SYNE1: variants seen among roughly 807,000 people sequenced by gnomAD.
SYNE1 encodes spectrin repeat containing nuclear envelope protein 1, also known as nesprin-1.
A neutral mutation model predicts 1,111.0 loss-of-function variants in SYNE1; 616 were observed. That is an observed-to-expected ratio of 0.55 (90% CI 0.52 to 0.59). The LOEUF is 0.59. SYNE1 is among the 20% of genes least tolerant of loss of function. The probability of loss-of-function intolerance (pLI) is 0.00; values close to 1 mark genes in which losing one functional copy is unlikely to be tolerated. For missense variants in SYNE1, 10,006 were observed against 10,417.0 expected (o/e 0.96, Z 1.72); for synonymous variants, 3,855 against 3,825.8 (o/e 1.01, Z -0.28).
intron 3 of SYNE1, among the ~76,000 whole-genome samples, chr6:152,566,692 G>A (rs1024476516): frequency 6.6e-6 from 1 of 152,060 alleles, no homozygotes; most frequent in African/African-American, 2.4e-5. Flanking sequence ...TTTTCAGCAA[G>A]GTGTCTTTAT....
At chr6:152,546,950 T>C (rs2099316561) in intron 3 of SYNE1, 1 of 151,832 alleles carries the variant, frequency 6.6e-6, no homozygotes, top group African/African-American at 2.4e-5. Flanking sequence ...TGAGTAAAAA[T>C]ACAGCTAAAA....
intron 9 of SYNE1, among the ~76,000 whole-genome samples, chr6:152,503,270 G>A (rs912514856): frequency 6.6e-6 from 1 of 152,070 alleles, no homozygotes; most frequent in Non-Finnish European, 1.5e-5. Flanking sequence ...AAAGGCAGAT[G>A]CCTTATATTC....
chr6:152,146,959 C>T (rs1449476134), intron 137 of SYNE1: 1 of 152,394 alleles, frequency 6.6e-6, no homozygotes, highest in East Asian at 1.9e-4. Context: ...TACGACTGGA[C>T]TTTTGCATTT....
chr6:152,629,398 G>C (rs1372707456), intron 2 of SYNE1, among the ~76,000 whole-genome samples: 1 of 151,402 alleles, frequency 6.6e-6, no homozygotes, highest in African/African-American at 2.4e-5. Context: ...TAGAGACGGG[G>C]TTTCACCATG....
chr6:152,628,453 A>G lies in SYNE1; in HGVS notation c.-122T>C, dbSNP rs2099690603. ...ATCTATTCTGTCATAAATGAATTCC[A>G]GGCCTTTGCAGCACTCAACAAGGAG... On this transcript the variant is annotated 5_prime_UTR_variant, in exon 3 of 146. Coordinates refer to ENST00000367255, the MANE Select transcript of SYNE1 (RefSeq NM_182961.4). 3 of 965,790 alleles carry G rather than the reference A, an allele frequency of 3.1e-6. No homozygotes were observed. In the East Asian group the frequency reaches 7.4e-5, roughly 24 times the overall value. The allele number at this position is 965,790 out of a possible 1,614,324, so 59.8% of individuals were successfully genotyped here. A position where few individuals can be genotyped will look rare whatever the true frequency, so the allele number is the denominator to read the frequency against.
chr6:152,387,027 T>C (rs2097536103), intron 54 of SYNE1, 45 bp downstream of exon 54: 1 of 1,482,162 alleles, frequency 6.7e-7, no homozygotes, highest in African/African-American at 1.4e-5. Context: ...CAATATATTG[T>C]ATTAATGTAT....
intron 98 of SYNE1, among the ~76,000 whole-genome samples, chr6:152,276,137 C>T (rs1240673064): frequency 6.7e-6 from 1 of 149,028 alleles, no homozygotes; most frequent in Non-Finnish European, 1.5e-5. Flanking sequence ...CAGGTTCAAG[C>T]AGTTCTCATG....
At chr6:152,219,563 CT>C (rs1310523175) in intron 119 of SYNE1, among the ~76,000 whole-genome samples, 1 of 149,826 alleles carries the variant, frequency 6.7e-6, no homozygotes, top group Non-Finnish European at 1.5e-5. Context: ...AGTTTTTTTC[CT>C]GCCTCTTTAT....
At chr6:152,466,180 T>A (rs1275086778) in intron 16 of SYNE1, 102 bp from the exon 17 acceptor site, 1 of 712,520 alleles carries the variant, frequency 1.4e-6, no homozygotes, top group Non-Finnish European at 2.5e-6. Context: ...TTACCCAAAT[T>A]TGTTAATCTC....
rs1035249484 is a variant in SYNE1 at position 152,325,258 on chromosome 6, G to C, written c.15483C>G (p.Ala5161=). The change falls in exon 81 of 146, where the codon GCC becomes GCG. Residue 5161 remains alanine, a synonymous_variant. Transcript: ENST00000367255. Reference sequence around the variant, plus strand: ...CCAGTTGTGAAGCTTTTTCCTCAAGGGCCACAATTTTCTCATGGAAAGAGT... The same window carrying C: ...CCAGTTGTGAAGCTTTTTCCTCAAGCGCCACAATTTTCTCATGGAAAGAGT... ...VVNSFHEKIV[A]LEEKASQLEK... 1 of 1,614,122 alleles carries C rather than the reference G, an allele frequency of 6.2e-7. No individual in the cohort carries two copies. The highest frequency in any genetic ancestry group is 1.7e-5 in the Admixed American group (1 of 60,006).
In SYNE1 at chr6:152,122,374, G is replaced by C; in HGVS notation, c.*62C>G. 1.2e-6 allele frequency: 2 copies of C among 1,612,670 alleles called. No homozygotes were observed. Among genetic ancestry groups the C allele is most frequent in the Admixed American group, 1.7e-5 (1 of 60,030 alleles). On this transcript the variant is annotated 3_prime_UTR_variant, in exon 146 of 146. Coordinates refer to ENST00000367255, the MANE Select transcript of SYNE1 (RefSeq NM_182961.4). ...CAAGGTCCTCTTGTTGGTAGTTTGG[G>C]ATTGCTTATGACCCGATCCTCCTTA... is the stretch of plus-strand genomic sequence containing the variant.
chr6:152,348,530 CA>C (rs1486299302), intron 72 of SYNE1, among the ~76,000 whole-genome samples: 1 of 151,920 alleles, frequency 6.6e-6, no homozygotes, highest in East Asian at 1.9e-4. Flanking sequence ...ACTAAAAATA[CA>C]AAAGTTAGTC....
At position 152,260,914 on chromosome 6, in the gene SYNE1, T is replaced by C. The variant is rs114410980; in HGVS notation, c.18972+1118A>G. 3.3e-5 allele frequency among the ~76,000 whole-genome samples: 5 copies of C among 152,166 alleles called. No individual in the cohort carries two copies. In the East Asian group the frequency reaches 9.7e-4, roughly 29 times the overall value. On this transcript the variant is annotated intron_variant, in intron 101 of 145. Coordinates refer to ENST00000367255, the MANE Select transcript of SYNE1 (RefSeq NM_182961.4). ...CCTGCCTGCCGCTCACCTCTTGCTG[T>C]GAGGTCCAGTTCCTAACAGGCCACG...
At position 152,180,052 on chromosome 6, in the gene SYNE1, T is replaced by G. The variant is rs1352234073; in HGVS notation, c.23460+84A>C. On this transcript the variant is annotated intron_variant, in intron 129 of 145. Coordinates refer to ENST00000367255, the MANE Select transcript of SYNE1 (RefSeq NM_182961.4). ...TGCTCCTTTGACAGGAAAGTAATTG[T>G]GAGTAAAGCCACCTTCTGTACCTGT... 7.0e-6 allele frequency: 10 copies of G among 1,430,376 alleles called. No individual in the cohort carries two copies. In the African/African-American group the frequency reaches 9.9e-5, roughly 14 times the overall value. 88.6% of individuals were successfully genotyped at this position (1,430,376 alleles called of 1,614,324 possible). A position where few individuals can be genotyped will look rare whatever the true frequency, so the allele number is the denominator to read the frequency against.
At chr6:152,533,822 A>C (rs1430263097) in intron 4 of SYNE1, among the ~76,000 whole-genome samples, 2 of 152,124 alleles carry the variant, frequency 1.3e-5, no homozygotes, top group African/African-American at 2.4e-5. Flanking sequence ...TAGCTTATTA[A>C]ACAGCATTTT....
At chr6:152,483,730 T>C (rs1028274482) in intron 13 of SYNE1, among the ~76,000 whole-genome samples, 3 of 152,064 alleles carry the variant, frequency 2.0e-5, no homozygotes, top group African/African-American at 7.2e-5. Context: ...TGGACAAAGA[T>C]GGGTTTAAAG....
intron 74 of SYNE1, 136 bp from the exon 75 acceptor site, chr6:152,339,502 T>C (rs2096485210): frequency 7.8e-7 from 1 of 1,281,456 alleles, no homozygotes; most frequent in African/African-American, 1.5e-5. Flanking sequence ...TGTGTTCAAG[T>C]GACATATATT....
chr6:152,172,723 G>C (rs1436490905), intron 130 of SYNE1, among the ~76,000 whole-genome samples: 1 of 152,186 alleles, frequency 6.6e-6, no homozygotes, highest in Non-Finnish European at 1.5e-5. Flanking sequence ...AGAAATTAGA[G>C]TGATGCGTCA....
intron 137 of SYNE1, chr6:152,145,482 C>T (rs2059316381): frequency 2.5e-6 from 4 of 1,613,694 alleles, no homozygotes; most frequent in Non-Finnish European, 3.4e-6. Flanking sequence ...GCTTGTTGTG[C>T]CTACCGGAGG....
Sources: gnomAD v4.1 joint callset for allele counts (sites outside exome capture counted in the v4.1 genomes callset) on GRCh38, gnomAD v4.1.1 for gene constraint, MANE v1.5 for transcripts, NCBI Gene and HGNC (gene_info 2026-07-23, HGNC 2026-07-21) for gene names.